ITGAE: variants seen among roughly 807,000 people sequenced by gnomAD.
ITGAE encodes integrin subunit alpha E.
ITGAE carries 99 observed loss-of-function variants against 136.5 expected under a neutral mutation model. The observed-to-expected ratio is 0.73, with a 90% CI of 0.62 to 0.86. The LOEUF is 0.86. Among genes scored for constraint, ITGAE ranks in the 40% least tolerant of loss-of-function variants. The pLI is 0.00. For synonymous variants in ITGAE, 613 were observed against 591.8 expected, an observed-to-expected ratio of 1.04 and a Z score of -0.52; for missense variants, 1,447 against 1,515.3, an observed-to-expected ratio of 0.95 and a Z score of 0.75.
At chr17:3,771,534 CTTTT>C (rs71312930) in intron 2 of ITGAE, among the ~76,000 whole-genome samples, 136 of 123,236 alleles carry the variant, frequency 1.1e-3, no homozygotes, top group Non-Finnish European at 1.9e-3. Flanking sequence ...GCATTTTTCT[CTTTT>C]TTTTTTTTTT....
At position 3,715,083 on chromosome 17, in the gene ITGAE, T is replaced by A. The variant is rs147941146; in HGVS notation, c.3445-141A>T. The A allele has an allele frequency of 8.7e-4, 536 of 613,558 alleles. 5 individuals carry two copies. Among genetic ancestry groups the A allele is most frequent in the African/African-American group, 8.5e-3 (463 of 54,246 alleles). The allele number at this position is 613,558 out of a possible 1,614,324, so 38.0% of individuals were successfully genotyped here. A position where few individuals can be genotyped will look rare whatever the true frequency, so the allele number is the denominator to read the frequency against. On this transcript the variant is annotated intron_variant, in intron 30 of 30. Transcript: ENST00000263087. The stretch of plus-strand genomic sequence containing the variant: ...ACTACTCCCTTCTCCTAACTTACTC[T>A]GAATCTCTCCTGGAGAGTCCAATCC...
intron 24 of ITGAE, 66 bp downstream of exon 24, chr17:3,729,408 CGAGA>C: frequency 1.1e-6 from 1 of 944,168 alleles, no homozygotes; most frequent in South Asian, 1.3e-5. Context: ...GCTCCATCTA[CGAGA>C]GAGAGCCCAA....
rs144896970 is a variant in ITGAE at position 3,781,498 on chromosome 17, A to T, written c.35-3838T>A. Among the ~76,000 whole-genome samples, 1,499 of 152,256 alleles carry T rather than the reference A, an allele frequency of 9.8e-3. 47 individuals are homozygous for T. The highest frequency in any genetic ancestry group is 0.059 in the Admixed American group (908 of 15,276). ...TTAAGCCTCCCAAATAGCTGGGATTACAGGCACCCGCCATCATGCCCGGCT... is the reference window on the plus strand; with the variant it reads ...TTAAGCCTCCCAAATAGCTGGGATTTCAGGCACCCGCCATCATGCCCGGCT... On this transcript the variant is annotated intron_variant, in intron 1 of 30. Transcript: ENST00000263087.
At chr17:3,762,111 C>T in intron 3 of ITGAE, 129 bp from the exon 4 acceptor site, 1 of 722,538 alleles carries the variant, frequency 1.4e-6, no homozygotes, top group Non-Finnish European at 2.3e-6. Flanking sequence ...CTCAGAGAAG[C>T]CTCTAGAAAG....
At chr17:3,742,364 G>A (rs1273020312) in intron 19 of ITGAE, among the ~76,000 whole-genome samples, 1 of 151,772 alleles carries the variant, frequency 6.6e-6, no homozygotes. Flanking sequence ...TTAGATAATA[G>A]TATTTTATCA....
chr17:3,785,978 T>C (rs1371142046), intron 1 of ITGAE, among the ~76,000 whole-genome samples: 2 of 151,686 alleles, frequency 1.3e-5, no homozygotes, highest in Non-Finnish European at 2.9e-5. Context: ...CCGTCCTGGC[T>C]AACACGGTGA....
Position 3,753,380 on chromosome 17 carries a change from A to T in ITGAE, c.1578T>A (p.Asp526Glu). The change falls in exon 14 of 31, where the codon GAT (aspartate) becomes GAA (glutamate). Residue 526 changes from aspartate to glutamate, a missense_variant. Coordinates refer to ENST00000263087, the MANE Select transcript of ITGAE (RefSeq NM_002208.5). ...CCACCAGCAAGAAGTCCGTGCTTCC[A>T]TCCATGTCAATGTCCACAGGGCACA... ...SELCPVDIDM[D>E]GSTDFLLVAA... 6.2e-7 allele frequency: 1 copy of T among 1,614,170 alleles called. No individual in the cohort carries two copies. The highest frequency in any genetic ancestry group is 1.1e-5 in the South Asian group (1 of 91,082).
chr17:3,732,609 C>T (rs1246581688), intron 21 of ITGAE, 143 bp from the exon 22 acceptor site: 12 of 683,176 alleles, frequency 1.8e-5, no homozygotes, highest in Non-Finnish European at 2.6e-6. Context: ...ATAAAGTCCA[C>T]TTGGTCCCTG....
intron 2 of ITGAE, among the ~76,000 whole-genome samples, chr17:3,775,863 A>G (rs549098757): frequency 4.1e-4 from 63 of 152,164 alleles, no homozygotes; most frequent in African/African-American, 1.3e-3. Flanking sequence ...GCTTTACCAG[A>G]TACGGCAAAA....
intron 27 of ITGAE, 123 bp from the exon 28 acceptor site, chr17:3,723,506 T>A (rs903257841): frequency 2.4e-5 from 24 of 984,592 alleles, no homozygotes; most frequent in Non-Finnish European, 3.7e-5. Context: ...ATTTCAGCGC[T>A]CACCTCGGCC....
chr17:3,750,561 G>T, intron 15 of ITGAE, 79 bp from the exon 16 acceptor site: 1 of 1,535,196 alleles, frequency 6.5e-7, no homozygotes. Flanking sequence ...GATCTATCCC[G>T]ATCAGCATCG....
chr17:3,749,652 CAGACGGGCGCTCCATG>C (rs1597329613), intron 16 of ITGAE, among the ~76,000 whole-genome samples: 1 of 152,042 alleles, frequency 6.6e-6, no homozygotes, highest in African/African-American at 2.4e-5. Flanking sequence ...GAGGACGGGA[CAGACGGGCGCTCCATG>C]AGCTCATTTA....
intron 26 of ITGAE, 71 bp from the exon 27 acceptor site, chr17:3,723,815 CGGCCCT>C (rs1178325879): frequency 1.3e-5 from 21 of 1,570,328 alleles, no homozygotes; most frequent in Non-Finnish European, 1.8e-5. Flanking sequence ...GTCCCGGCCC[CGGCCCT>C]GGCGAGGTGC....
At position 3,799,708 on chromosome 17, in the gene ITGAE, A is replaced by G. The variant is rs1053339906; in HGVS notation, c.34+1403T>C. Reference sequence around the variant, plus strand: ...GGGAGATCAAAGCCACAAGCCATAAAAAGAGTGAGACTCTCTCCACACCCC... The same window carrying G: ...GGGAGATCAAAGCCACAAGCCATAAGAAGAGTGAGACTCTCTCCACACCCC... On this transcript the variant is annotated intron_variant, in intron 1 of 30. Transcript: ENST00000263087. The surrounding 1 kb of genome is among the most constrained non-coding windows in gnomAD (Gnocchi z 4.1). Among the ~76,000 whole-genome samples, 25 of 152,206 alleles carry G rather than the reference A, an allele frequency of 1.6e-4. No homozygotes were observed. Among genetic ancestry groups the G allele is most frequent in the African/African-American group, 5.5e-4 (23 of 41,452 alleles).
chr17:3,776,456 C>T (rs2052542499), intron 2 of ITGAE, among the ~76,000 whole-genome samples: 2 of 152,218 alleles, frequency 1.3e-5, no homozygotes, highest in African/African-American at 4.8e-5. Context: ...AGAAGGGAAA[C>T]TGAAGCTCAG....
At chr17:3,755,775 G>A in intron 11 of ITGAE, 55 bp downstream of exon 11, 1 of 1,496,936 alleles carries the variant, frequency 6.7e-7, no homozygotes, top group Non-Finnish European at 9.1e-7. Context: ...AATCCTAGGT[G>A]TCCTGGGCCC....
At chr17:3,756,908 C>G (rs1381159826) in intron 10 of ITGAE, 76 bp downstream of exon 10, 1 of 1,490,446 alleles carries the variant, frequency 6.7e-7, no homozygotes, top group African/African-American at 1.4e-5. Context: ...AGAGAAACCA[C>G]ATGAAGATGG....
chr17:3,790,526 ACACAC>A (rs1555527736), intron 1 of ITGAE, among the ~76,000 whole-genome samples: 1 of 151,558 alleles, frequency 6.6e-6, no homozygotes, highest in African/African-American at 2.4e-5. Flanking sequence ...ACACACACAC[ACACAC>A]AAAAGAAAAA....
At chr17:3,722,990 A>G (rs969986828) in intron 28 of ITGAE, among the ~76,000 whole-genome samples, 16 of 152,198 alleles carry the variant, frequency 1.1e-4, no homozygotes, top group African/African-American at 3.6e-4. Flanking sequence ...AATGGAGAGA[A>G]GTGAATGGGT....
Sources: allele counts gnomAD v4.1 joint callset (sites outside exome capture counted in the v4.1 genomes callset), GRCh38; gene constraint gnomAD v4.1.1; non-coding constraint Gnocchi (gnomAD v3.1); transcripts MANE v1.5; gene names NCBI Gene and HGNC (gene_info 2026-07-23, HGNC 2026-07-21).